The following CCDC122 variants were observed in gnomAD, a reference collection of about 807,000 sequenced individuals.
CCDC122 encodes coiled-coil domain-containing protein 122.
CCDC122 carries 38 observed loss-of-function variants against 37.0 expected under a neutral mutation model. The ratio of observed to expected loss-of-function variants is 1.03; its 90% CI spans 0.79 to 1.35. The LOEUF is 1.35. Among genes scored for constraint, CCDC122 ranks in the 40% most tolerant of loss-of-function variants. The pLI, the probability that CCDC122 is intolerant of heterozygous loss-of-function variation, is 0.00. For missense variants in CCDC122, 305 were observed against 310.0 expected, an observed-to-expected ratio of 0.98 and a Z score of 0.12; for synonymous variants, 83 against 95.6, an observed-to-expected ratio of 0.87 and a Z score of 0.77.
chr13:43,850,783 C>A (rs1232905579), intron 6 of CCDC122, among the ~76,000 whole-genome samples: 3 of 151,924 alleles, frequency 2.0e-5, no homozygotes, highest in Non-Finnish European at 4.4e-5. Flanking sequence ...CTGAAAAATC[C>A]TAAATTTGGC....
At chr13:43,856,868 C>T (rs1283931868) in intron 6 of CCDC122, among the ~76,000 whole-genome samples, 1 of 152,048 alleles carries the variant, frequency 6.6e-6, no homozygotes, top group African/African-American at 2.4e-5. Flanking sequence ...AATATATGTA[C>T]ATGTTAGTCT....
At chr13:43,832,420 G>T (rs1158697970), downstream of CCDC122, among the ~76,000 whole-genome samples, 1 of 152,122 alleles carries the variant, frequency 6.6e-6, no homozygotes, top group African/African-American at 2.4e-5. Context: ...TGGATAAACA[G>T]TGAATTCCAT....
chr13:43,848,333 T>C (rs1014880681), intron 6 of CCDC122, among the ~76,000 whole-genome samples: 2 of 152,242 alleles, frequency 1.3e-5, no homozygotes, highest in African/African-American at 4.8e-5. Context: ...TGCCAAAGCA[T>C]TGCTTGCAGC....
intron 6 of CCDC122, among the ~76,000 whole-genome samples, chr13:43,847,532 T>C (rs1244178236): frequency 3.3e-5 from 5 of 152,228 alleles, no homozygotes; most frequent in African/African-American, 1.2e-4. Flanking sequence ...CTTGTGCAAG[T>C]TATTTAAATT....
At chr13:43,875,699 C>T (rs1168509640) in intron 1 of CCDC122, among the ~76,000 whole-genome samples, 1 of 152,188 alleles carries the variant, frequency 6.6e-6, no homozygotes, top group Non-Finnish European at 1.5e-5. Flanking sequence ...GGATTAATAA[C>T]TGGCATCTTC....
intron 6 of CCDC122, among the ~76,000 whole-genome samples, chr13:43,851,674 C>T (rs1319865990): frequency 1.3e-5 from 2 of 152,194 alleles, no homozygotes; most frequent in Non-Finnish European, 2.9e-5. Flanking sequence ...ATGGATCCTG[C>T]TATCACTGCA....
chr13:43,849,091 A>G (rs561290532), intron 6 of CCDC122: 527 of 868,310 alleles, frequency 6.1e-4, no homozygotes, highest in Non-Finnish European at 7.1e-4. Flanking sequence ...TTTGTTGTGA[A>G]GAATCTTTAA....
At chr13:43,853,436 C>T (rs113762786) in intron 6 of CCDC122, among the ~76,000 whole-genome samples, 12,590 of 152,140 alleles carry the variant, frequency 0.083, 603 homozygotes, top group African/African-American at 0.1. Context: ...AACAATAAGA[C>T]CTAACTATCC....
chr13:43,820,668 C>T (rs144925435), downstream of CCDC122, among the ~76,000 whole-genome samples: 924 of 152,192 alleles, frequency 6.1e-3, 9 homozygotes, highest in African/African-American at 0.021. Flanking sequence ...ATGAAAGAAT[C>T]GAGTATCAAT....
chr13:43,839,857 G>A lies in CCDC122; in HGVS notation c.673-2428C>T, dbSNP rs141352704. On this transcript the variant is annotated intron_variant, in intron 6 of 6. Transcript: ENST00000444614. ...AGTTTAATTGAGCAATGAATGATTC[G>A]CAAACTGGACAGACCCCAGAATCAG... Among the ~76,000 whole-genome samples, 24 of 152,242 alleles carry A rather than the reference G, an allele frequency of 1.6e-4. No individual in the cohort carries two copies. The East Asian group carries it at 3.9e-3, about 24-fold the overall frequency.
intron 6 of CCDC122, among the ~76,000 whole-genome samples, chr13:43,846,070 TTTTCTTTTTTCTTTTTTTTTTGAGACGGA>T (rs1161897213): frequency 2.0e-5 from 3 of 150,202 alleles, no homozygotes; most frequent in African/African-American, 7.4e-5. Flanking sequence ...TGGATCATAT[TTTTCTTTTTTCTTTTTTTTTTGAGACGGA>T]GTTTCACTAT....
chr13:43,860,497 A>G (rs1954070148), intron 4 of CCDC122, among the ~76,000 whole-genome samples: 1 of 152,210 alleles, frequency 6.6e-6, no homozygotes, highest in Non-Finnish European at 1.5e-5. Flanking sequence ...CATGCATAAC[A>G]AACTTAATTA....
downstream of CCDC122, among the ~76,000 whole-genome samples, chr13:43,821,840 T>C (rs560062819): frequency 4.4e-4 from 67 of 152,358 alleles, no homozygotes; most frequent in Admixed American, 9.8e-4. Context: ...TTCTTTTAAA[T>C]AATTTCAATC....
chr13:43,859,700 G>A lies in CCDC122; in HGVS notation c.527C>T (p.Pro176Leu). The A allele has an allele frequency of 6.4e-7, 1 of 1,569,874 alleles. No homozygotes were observed. Among genetic ancestry groups the A allele is most frequent in the Middle Eastern group, 1.7e-4 (1 of 5,848 alleles). ...KEELMQDLQN[P>L]GGNRITQVQE... Reference sequence around the variant, plus strand: ...TACTTGTGTTATTCGGTTCCCTCCTGGATTTTGAAGATCTTGCATAAGTTC... The same window carrying A: ...TACTTGTGTTATTCGGTTCCCTCCTAGATTTTGAAGATCTTGCATAAGTTC... The change falls in exon 5 of 7, where the codon CCA (proline) becomes CTA (leucine). Residue 176 changes from proline (P) to leucine (L), a missense_variant. Transcript: ENST00000444614.
intron 5 of CCDC122, among the ~76,000 whole-genome samples, chr13:43,859,152 C>T (rs192223248): frequency 9.9e-4 from 151 of 152,088 alleles, no homozygotes; most frequent in African/African-American, 3.4e-3. Flanking sequence ...TGGCAACTGC[C>T]GAACAACAGT....
At chr13:43,844,487 T>C (rs1953452307) in intron 6 of CCDC122, among the ~76,000 whole-genome samples, 1 of 152,010 alleles carries the variant, frequency 6.6e-6, no homozygotes, top group South Asian at 2.1e-4. Context: ...GTGGAGTGCT[T>C]TATAAATGTT....
At chr13:43,819,225 A>C (rs931444740), downstream of CCDC122, among the ~76,000 whole-genome samples, 1 of 152,194 alleles carries the variant, frequency 6.6e-6, no homozygotes, top group African/African-American at 2.4e-5. Context: ...AGTCTCATAC[A>C]TTGTTGGTGT....
downstream of CCDC122, among the ~76,000 whole-genome samples, chr13:43,836,170 A>C (rs1391401065): frequency 6.6e-6 from 1 of 152,208 alleles, no homozygotes; most frequent in Non-Finnish European, 1.5e-5. Context: ...TTTTGTTTCT[A>C]AGTATTTGAC....
chr13:43,874,765 T>C (rs1194689130), intron 2 of CCDC122, 77 bp downstream of exon 2: 1 of 152,256 alleles, frequency 6.6e-6, no homozygotes, highest in Non-Finnish European at 1.5e-5. Flanking sequence ...TTTTCAAACA[T>C]GTTTTTAAGA....
Sources: gnomAD v4.1 joint callset for allele counts (sites outside exome capture counted in the v4.1 genomes callset) on GRCh38, gnomAD v4.1.1 for gene constraint, MANE v1.5 for transcripts, NCBI Gene and HGNC (gene_info 2026-07-23, HGNC 2026-07-21) for gene names.